RREB1: variants seen among roughly 807,000 people sequenced by gnomAD.
The protein encoded by RREB1 is ras-responsive element-binding protein 1.
In RREB1, 27 loss-of-function variants were observed where a neutral mutation model predicts 117.8. That is an observed-to-expected ratio of 0.23 (90% CI 0.17 to 0.32). RREB1 has a LOEUF of 0.32. RREB1 is among the 10% of genes least tolerant of loss of function. The pLI is 1.00. For synonymous variants in RREB1, 1,298 were observed against 1,026.7 expected (o/e 1.26, Z -5.05); for missense variants, 2,577 against 2,378.2 (o/e 1.08, Z -1.74).
chr6:7,196,982 G>A (rs1765707055), intron 6 of RREB1, among the ~76,000 whole-genome samples: 2 of 152,172 alleles, frequency 1.3e-5, no homozygotes, highest in Admixed American at 6.5e-5. Context: ...TTGCTCCCAC[G>A]TTGAAAATTT....
chr6:7,225,946 C>T (rs997077923), intron 8 of RREB1, among the ~76,000 whole-genome samples: 15 of 152,184 alleles, frequency 9.9e-5, no homozygotes, highest in African/African-American at 3.6e-4. Flanking sequence ...ACTTAATGCA[C>T]AATCACCATC....
At chr6:7,228,898 GGATAAATGTACAACAAATACTT>G in intron 9 of RREB1, 77 bp from the exon 10 acceptor site, 1 of 1,113,390 alleles carries the variant, frequency 9.0e-7, no homozygotes, top group Non-Finnish European at 1.2e-6. Context: ...CTGTGTACTG[GGATAAATGTACAACAAATACTT>G]TGTGCATCTC....
At chr6:7,140,662 G>A (rs1484073258) in intron 1 of RREB1, 1 of 152,228 alleles carries the variant, frequency 6.6e-6, no homozygotes, top group Non-Finnish European at 1.5e-5. Context: ...GAAGCCGCTG[G>A]TCCTCGCCTT....
intron 6 of RREB1, 29 bp downstream of exon 6, chr6:7,189,351 G>A (rs758397472): frequency 2.6e-6 from 4 of 1,543,350 alleles, no homozygotes; most frequent in South Asian, 1.2e-5. Flanking sequence ...TGCTTGGGGG[G>A]TTGGCTGGTA....
At chr6:7,191,975 G>T (rs992903069) in intron 6 of RREB1, among the ~76,000 whole-genome samples, 1 of 152,152 alleles carries the variant, frequency 6.6e-6, no homozygotes, top group South Asian at 2.1e-4. Flanking sequence ...TAAGGAGAAG[G>T]CATTCAGTCT....
chr6:7,233,298 A>G lies in RREB1; in HGVS notation c.3808+1391A>G, dbSNP rs552150113. 5.3e-5 allele frequency among the ~76,000 whole-genome samples: 8 copies of G among 152,356 alleles called. No individual in the cohort carries two copies. The East Asian group carries it at 9.6e-4, about 18-fold the overall frequency. On this transcript the variant is annotated intron_variant, in intron 10 of 12. Transcript: ENST00000379938. Reference sequence around the variant, plus strand: ...AATAATTTTGTTATCAGGTGCTTCTAGTATATAAATGGCCATACAACTCTC... The same window carrying G: ...AATAATTTTGTTATCAGGTGCTTCTGGTATATAAATGGCCATACAACTCTC...
intron 1 of RREB1, among the ~76,000 whole-genome samples, chr6:7,149,595 G>A (rs1763021839): frequency 6.6e-6 from 1 of 152,218 alleles, no homozygotes; most frequent in Admixed American, 6.5e-5. Context: ...AACTCACCTG[G>A]AATAGTGTCC....
At chr6:7,184,131 T>C (rs2113536950) in intron 4 of RREB1, among the ~76,000 whole-genome samples, 1 of 152,014 alleles carries the variant, frequency 6.6e-6, no homozygotes, top group South Asian at 2.1e-4. Context: ...GGAGGATTGC[T>C]TGAGCCCAGG....
intron 10 of RREB1, among the ~76,000 whole-genome samples, chr6:7,232,698 A>C (rs902430659): frequency 6.6e-6 from 1 of 152,006 alleles, no homozygotes; most frequent in African/African-American, 2.4e-5. Flanking sequence ...AGTGTGAAAA[A>C]ATTCTAAGTA....
intron 8 of RREB1, among the ~76,000 whole-genome samples, chr6:7,220,828 T>C (rs1002557712): frequency 4.6e-5 from 7 of 152,102 alleles, no homozygotes; most frequent in African/African-American, 1.7e-4. Context: ...CACAGACGGG[T>C]TGAGGAGAGA....
chr6:7,244,262 CAAAAAA>C (rs560699173), intron 11 of RREB1, among the ~76,000 whole-genome samples: 5 of 108,376 alleles, frequency 4.6e-5, no homozygotes, highest in African/African-American at 1.7e-4. Flanking sequence ...GACTCCATCT[CAAAAAA>C]AAAAAAAAAA....
chr6:7,126,190 C>T (rs910959382), intron 1 of RREB1, among the ~76,000 whole-genome samples: 2 of 151,966 alleles, frequency 1.3e-5, no homozygotes, highest in African/African-American at 4.8e-5. Context: ...TTAGTAGAGG[C>T]TGGGTTTCAC....
chr6:7,181,388 C>T (rs1764786689), intron 3 of RREB1, 142 bp downstream of exon 3: 1 of 401,182 alleles, frequency 2.5e-6, no homozygotes, highest in African/African-American at 2.1e-5. Context: ...TCTTAAATCT[C>T]TTATAAAATT....
intron 8 of RREB1, among the ~76,000 whole-genome samples, chr6:7,219,806 C>T (rs537788727): frequency 1.3e-5 from 2 of 152,322 alleles, no homozygotes; most frequent in South Asian, 4.1e-4. Flanking sequence ...TGTGCCTTTA[C>T]ATACCAGGGG....
rs756374152 is a variant in RREB1 at position 7,230,325 on chromosome 6, C to T, written c.2226C>T (p.Ala742=). 4 of 1,588,518 alleles carry T rather than the reference C, an allele frequency of 2.5e-6. No homozygotes were observed. The highest frequency in any genetic ancestry group is 3.4e-6 in the Non-Finnish European group (4 of 1,172,484). Reference sequence around the variant, plus strand: ...TCGAGTATGTGAGTAGCAGCGCGGCCGAGCTGGTGGACGCCTTCTGCGCCC... The same window carrying T: ...TCGAGTATGTGAGTAGCAGCGCGGCTGAGCTGGTGGACGCCTTCTGCGCCC... The part of the protein sequence containing the change: ...KNIEYVSSSA[A]ELVDAFCAPD... Residue 742 remains alanine, a synonymous_variant, in exon 10 of 13, where the codon GCC becomes GCT. Transcript: ENST00000379938.
chr6:7,249,577 G>A lies in RREB1; in HGVS notation c.*609G>A, dbSNP rs1769321730. ...GTATTACAGGATGTGGTTGATGAAGGTTTCCAATATGGTTTCAGGCCAAAA... is the reference window on the plus strand; with the variant it reads ...GTATTACAGGATGTGGTTGATGAAGATTTCCAATATGGTTTCAGGCCAAAA... On this transcript the variant is annotated 3_prime_UTR_variant, in exon 13 of 13. Transcript: ENST00000379938. 1 of 152,242 alleles carries A rather than the reference G, an allele frequency of 6.6e-6. No homozygotes were observed. Among genetic ancestry groups the A allele is most frequent in the Non-Finnish European group, 1.5e-5 (1 of 68,036 alleles). 9.4% of individuals were successfully genotyped at this position (152,242 alleles called of 1,614,324 possible). A position where few individuals can be genotyped will look rare whatever the true frequency, so the allele number is the denominator to read the frequency against.
rs1323887869 is a variant in RREB1, at chr6:7,170,745, G to A, written c.-284-5910G>A. ...TAGATAAAGCCAGAGTTAGAAATGG[G>A]GATCTTTGTCTCTGACCCAGGGCCT... On this transcript the variant is annotated intron_variant, in intron 1 of 12. Transcript: ENST00000379938. Among the ~76,000 whole-genome samples, 8 of 152,138 alleles carry A rather than the reference G, an allele frequency of 5.3e-5. 1 individual carries two copies. The highest frequency in any genetic ancestry group is 3.9e-4 in the Admixed American group (6 of 15,268).
intron 1 of RREB1, among the ~76,000 whole-genome samples, chr6:7,163,810 A>G (rs1581474900): frequency 1.3e-5 from 2 of 152,270 alleles, no homozygotes; most frequent in African/African-American, 4.8e-5. Context: ...AGCATCTTCA[A>G]GGACTTTGAA....
intron 6 of RREB1, among the ~76,000 whole-genome samples, chr6:7,208,176 C>T (rs1177664993): frequency 1.3e-5 from 2 of 152,212 alleles, no homozygotes; most frequent in African/African-American, 4.8e-5. Flanking sequence ...GATTGGAATA[C>T]TCTCTTTCCC....
Sources: allele counts gnomAD v4.1 joint callset (sites outside exome capture counted in the v4.1 genomes callset), GRCh38; gene constraint gnomAD v4.1.1; transcripts MANE v1.5; gene names NCBI Gene and HGNC (gene_info 2026-07-23, HGNC 2026-07-21).